The following ARHGAP21 variants were observed in gnomAD, a reference collection of about 807,000 sequenced individuals.
ARHGAP21 encodes Rho GTPase activating protein 21, also known as rho GTPase-activating protein 21.
In ARHGAP21, 38 loss-of-function variants were observed where a neutral mutation model predicts 164.6. The observed-to-expected ratio is 0.23, with a 90% CI of 0.18 to 0.30. The LOEUF (loss-of-function observed/expected upper bound fraction) is 0.30. ARHGAP21 is among the 10% of genes least tolerant of loss of function. The probability of loss-of-function intolerance (pLI) is 1.00; values close to 1 mark genes in which losing one functional copy is unlikely to be tolerated. For synonymous variants in ARHGAP21, 766 were observed against 857.9 expected (o/e 0.89, Z 1.87); for missense variants, 1,822 against 2,370.7 (o/e 0.77, Z 4.81).
intron 4 of ARHGAP21, among the ~76,000 whole-genome samples, chr10:24,654,283 C>G (rs1311499484): frequency 6.6e-6 from 1 of 152,156 alleles, no homozygotes; most frequent in African/African-American, 2.4e-5. Flanking sequence ...CCAGGGCAAT[C>G]AGGCAAGAGA....
intron 12 of ARHGAP21, among the ~76,000 whole-genome samples, chr10:24,603,252 GA>G (rs1241078776): frequency 1.3e-5 from 2 of 152,138 alleles, no homozygotes; most frequent in African/African-American, 4.8e-5. Flanking sequence ...GGAAGAGCAA[GA>G]AAGTGTGGCA....
rs771061399 is a variant in ARHGAP21, at chr10:24,585,186, A to G, written c.5103T>C (p.Asp1701=). 2.5e-6 allele frequency: 4 copies of G among 1,608,596 alleles called. No homozygotes were observed. Among genetic ancestry groups the G allele is most frequent in the Admixed American group, 1.7e-5 (1 of 59,812 alleles). Reference sequence around the variant, plus strand: ...TAGCTGATTTTTTCCTGGAAAGAGTATCACATTCGATGAGTTTATGGGAAC... The same window carrying G: ...TAGCTGATTTTTTCCTGGAAAGAGTGTCACATTCGATGAGTTTATGGGAAC... ...LFSSHKLIEC[D]TLSRKKSARF... is the part of the protein sequence containing the mutation. The change falls in exon 26 of 26, where the codon GAT becomes GAC. Residue 1701 remains aspartate, a synonymous_variant. Coordinates refer to ENST00000396432, the MANE Select transcript of ARHGAP21 (RefSeq NM_020824.4).
chr10:24,596,219 CAGTA>C (rs1184496602), intron 17 of ARHGAP21, 176 bp from the exon 18 acceptor site: 6 of 549,144 alleles, frequency 1.1e-5, no homozygotes, highest in Non-Finnish European at 1.5e-5. Flanking sequence ...ATATTTGAGA[CAGTA>C]AGAAGAGAAC....
intron 2 of ARHGAP21, among the ~76,000 whole-genome samples, chr10:24,699,633 C>G (rs1742889678): frequency 6.6e-6 from 1 of 151,988 alleles, no homozygotes; most frequent in African/African-American, 2.4e-5. Context: ...CCTAGAATTA[C>G]TAGTTTTAAA....
rs578135326 is a variant in ARHGAP21, at chr10:24,653,448, C to T, written c.268+13537G>A. 1.3e-3 allele frequency among the ~76,000 whole-genome samples: 193 copies of T among 152,184 alleles called. 1 individual carries two copies. The highest frequency in any genetic ancestry group is 4.0e-3 in the African/African-American group (168 of 41,514). ...AAAATTAGCCAGGCGTGGTGGCGGG[C>T]GCCTATAGTCCCAGCTACTTGGGAG... On this transcript the variant is annotated intron_variant, in intron 4 of 25. Transcript: ENST00000396432.
intron 19 of ARHGAP21, 135 bp downstream of exon 19, chr10:24,595,582 T>C (rs558841283): frequency 7.4e-6 from 6 of 806,142 alleles, no homozygotes; most frequent in African/African-American, 1.7e-5. Context: ...GTTTTTAATA[T>C]ATGAGGGAGA....
At chr10:24,622,984 T>C in intron 7 of ARHGAP21, 2 of 478,462 alleles carry the variant, frequency 4.2e-6, no homozygotes, top group Non-Finnish European at 7.4e-6. Flanking sequence ...TTGATGTGTC[T>C]ACCATTCTTG....
chr10:24,673,187 A>G (rs568014506), intron 2 of ARHGAP21, among the ~76,000 whole-genome samples: 1 of 152,348 alleles, frequency 6.6e-6, no homozygotes, highest in Admixed American at 6.5e-5. Flanking sequence ...GCAAGCTGCT[A>G]TGATATTTCT....
chr10:24,585,446 T>G lies in ARHGAP21; in HGVS notation c.4843A>C (p.Lys1615Gln). The change falls in exon 26 of 26, where the codon AAG (lysine) becomes CAG (glutamine). Residue 1615 changes from lysine (K) to glutamine (Q), a missense_variant. Physicochemically the swap from Lys to Gln is moderately conservative, Grantham distance 53. Coordinates refer to ENST00000396432, the MANE Select transcript of ARHGAP21 (RefSeq NM_020824.4). ...SPEVQSVAES[K>Q]GDEADDERSE... ...CTCTCGTCATCTGCCTCGTCCCCCT[T>G]GCTCTCTGCCACGGATTGCACCTCA... 6.2e-7 allele frequency: 1 copy of G among 1,614,074 alleles called. No individual in the cohort carries two copies. Among genetic ancestry groups the G allele is most frequent in the Non-Finnish European group, 8.5e-7 (1 of 1,180,038 alleles).
chr10:24,709,536 A>G (rs1033546653), intron 2 of ARHGAP21, among the ~76,000 whole-genome samples: 11 of 152,072 alleles, frequency 7.2e-5, no homozygotes, highest in African/African-American at 2.7e-4. Context: ...TCAGGAGTTC[A>G]AGACCAGCTC....
At chr10:24,694,029 T>A (rs961528786) in intron 2 of ARHGAP21, among the ~76,000 whole-genome samples, 2 of 152,164 alleles carry the variant, frequency 1.3e-5, no homozygotes, top group Non-Finnish European at 2.9e-5. Context: ...TATACACCAA[T>A]GGCCCACTGA....
At chr10:24,662,877 C>T (rs1986387) in intron 4 of ARHGAP21, among the ~76,000 whole-genome samples, 81,141 of 151,876 alleles carry the variant, frequency 0.53, 21,837 homozygotes, top group Middle Eastern at 0.58. Context: ...TCTCCCTCAA[C>T]CTGTTAGACC....
At chr10:24,594,654 A>G (rs569085143) in intron 21 of ARHGAP21, among the ~76,000 whole-genome samples, 90 of 152,288 alleles carry the variant, frequency 5.9e-4, no homozygotes, top group African/African-American at 1.9e-3. Context: ...TAGCGTATGC[A>G]TATGTTACCT....
Position 24,676,365 on chromosome 10 carries a change from A to G in ARHGAP21, c.64-5968T>C, listed in dbSNP as rs1841246369. On this transcript the variant is annotated intron_variant, in intron 2 of 25. Coordinates refer to ENST00000396432, the MANE Select transcript of ARHGAP21 (RefSeq NM_020824.4). Reference sequence around the variant, plus strand: ...TGTACTGCATTACTGCATGCTGCTGAGGACTGGCATAGGAATGTGATTCTC... The same window carrying G: ...TGTACTGCATTACTGCATGCTGCTGGGGACTGGCATAGGAATGTGATTCTC... Among the ~76,000 whole-genome samples, 3 of 152,218 alleles carry G rather than the reference A, an allele frequency of 2.0e-5. No individual in the cohort carries two copies. In the South Asian group the frequency reaches 6.2e-4, roughly 32 times the overall value.
In ARHGAP21 at chr10:24,640,307, T is replaced by TATATATATAA. The variant is rs1175994966; in HGVS notation, c.269-5205_269-5204insTTATATATAT. On this transcript the variant is annotated intron_variant, in intron 4 of 25. Coordinates refer to ENST00000396432, the MANE Select transcript of ARHGAP21 (RefSeq NM_020824.4). The stretch of plus-strand genomic sequence containing the variant: ...GCTTTAAAATATATATATATATATA[T>TATATATATAA]AAGAAAGAAAGAAAATAATGGTTAT... 11 of 150,996 alleles carry TATATATATAA rather than the reference T, an allele frequency of 7.3e-5. No homozygotes were observed. The East Asian group carries it at 2.1e-3, about 29-fold the overall frequency. The allele number at this position is 150,996 out of a possible 1,614,324, so 9.4% of individuals were successfully genotyped here.
chr10:24,590,702 A>T, intron 24 of ARHGAP21: 1 of 985,366 alleles, frequency 1.0e-6, no homozygotes, highest in Non-Finnish European at 1.2e-6. Context: ...TAAATGTCAA[A>T]TAGGCTGGCT....
At chr10:24,596,286 G>GA in intron 17 of ARHGAP21, 1 of 448,058 alleles carries the variant, frequency 2.2e-6, no homozygotes, top group Non-Finnish European at 3.9e-6. Flanking sequence ...TTCTAAAAAG[G>GA]AAGTAACAAC....
chr10:24,721,767 C>T, intron 2 of ARHGAP21, 70 bp downstream of exon 2: 1 of 1,578,474 alleles, frequency 6.3e-7, no homozygotes, highest in East Asian at 2.3e-5. Context: ...GGCCGGTAAC[C>T]CCCAACTTGC....
chr10:24,670,306 G>C lies in ARHGAP21; in HGVS notation c.155C>G (p.Thr52Arg), dbSNP rs150533420. ...AAAGCCTTGAGATGTTCTTTTCAAC[G>C]TAACTGTTTTGGGACCTGGCCAGGA... ...TFSWPGPKTV[T>R]LKRTSQGFGF... Residue 52 changes from threonine to arginine, a missense_variant, in exon 3 of 26, where the codon ACG (threonine) becomes AGG (arginine). By Grantham distance (71) the Thr-to-Arg change is moderately conservative (BLOSUM62 -1). Around this residue, in one of 5 missense-constraint regions of ARHGAP21, gnomAD observed 1,090 missense variants for 1,378.9 expected, o/e 0.79. Coordinates refer to ENST00000396432, the MANE Select transcript of ARHGAP21 (RefSeq NM_020824.4). 79 of 1,609,802 alleles carry C rather than the reference G, an allele frequency of 4.9e-5. No individual in the cohort carries two copies. Among genetic ancestry groups the C allele is most frequent in the South Asian group, 1.3e-4 (12 of 90,548 alleles).
Sources: gnomAD v4.1 joint callset for allele counts (sites outside exome capture counted in the v4.1 genomes callset) on GRCh38, gnomAD v4.1.1 for gene constraint, gnomAD v4.1.1 regional missense constraint, MANE v1.5 for transcripts, NCBI Gene and HGNC (gene_info 2026-07-23, HGNC 2026-07-21) for gene names.